BMX: variants seen among roughly 807,000 people sequenced by gnomAD.
BMX encodes the protein cytoplasmic tyrosine-protein kinase BMX.
BMX carries 31 observed loss-of-function variants against 59.2 expected under a neutral mutation model. The ratio of observed to expected loss-of-function variants is 0.52; its 90% CI spans 0.39 to 0.71. The LOEUF is 0.71. BMX is among the 30% of genes least tolerant of loss of function. The probability of loss-of-function intolerance (pLI) is 0.00; values close to 1 mark genes in which losing one functional copy is unlikely to be tolerated. For synonymous variants in BMX, 185 were observed against 181.0 expected, an observed-to-expected ratio of 1.02 and a Z score of -0.18; for missense variants, 474 against 491.7, an observed-to-expected ratio of 0.96 and a Z score of 0.34.
chrX:15,523,697 A>T (rs777963208), intron 7 of BMX, among the ~76,000 whole-genome samples: 1 of 111,755 alleles, frequency 8.9e-6, no homozygotes, highest in African/African-American at 3.3e-5. Context: ...ATTGTGTTCC[A>T]GGTCCCCTTC....
Sources: allele counts gnomAD v4.1 joint callset (sites outside exome capture counted in the v4.1 genomes callset), GRCh38; gene constraint gnomAD v4.1.1; transcripts MANE v1.5; gene names NCBI Gene and HGNC (gene_info 2026-07-23, HGNC 2026-07-21).